ANO3: variants seen among roughly 807,000 people sequenced by gnomAD.
The protein encoded by ANO3 is anoctamin 3.
Under a neutral mutation model 144.8 loss-of-function variants are expected in ANO3, and 99 were observed. The observed-to-expected ratio is 0.68, with a 90% CI of 0.58 to 0.81. The LOEUF is 0.81. Among genes scored for constraint, ANO3 ranks in the 30% least tolerant of loss-of-function variants. ANO3 has a pLI of 0.00. For synonymous variants in ANO3, 414 were observed against 392.6 expected, an observed-to-expected ratio of 1.05 and a Z score of -0.64; for missense variants, 905 against 1,202.2, an observed-to-expected ratio of 0.75 and a Z score of 3.66.
At chr11:26,511,911 G>A (rs1861679254) in intron 5 of ANO3, among the ~76,000 whole-genome samples, 1 of 152,038 alleles carries the variant, frequency 6.6e-6, no homozygotes, top group Non-Finnish European at 1.5e-5. Flanking sequence ...GAAAAAAACA[G>A]GGTACTAAAT....
chr11:26,400,444 C>G (rs1296414194), intron 1 of ANO3, among the ~76,000 whole-genome samples: 1 of 151,916 alleles, frequency 6.6e-6, no homozygotes, highest in East Asian at 1.9e-4. Context: ...TAAAACAACA[C>G]TGAAAACCAT....
intron 1 of ANO3, among the ~76,000 whole-genome samples, chr11:26,341,391 A>G (rs1025034197): frequency 6.6e-6 from 1 of 152,176 alleles, no homozygotes; most frequent in African/African-American, 2.4e-5. Flanking sequence ...GAATCTTAAG[A>G]TTGTTACACA....
intron 22 of ANO3, 84 bp downstream of exon 22, chr11:26,642,113 A>G (rs1853176132): frequency 8.8e-6 from 13 of 1,476,366 alleles, no homozygotes; most frequent in Non-Finnish European, 1.1e-5. Flanking sequence ...AACAGAGAAA[A>G]TTATCTCTTT....
chr11:26,499,580 A>T (rs1861107585), intron 4 of ANO3, among the ~76,000 whole-genome samples: 1 of 151,686 alleles, frequency 6.6e-6, no homozygotes, highest in South Asian at 2.1e-4. Context: ...ATGGATTTGT[A>T]ATTCCATATC....
chr11:26,534,519 C>T lies in ANO3; in HGVS notation c.933C>T (p.His311=). The T allele has an allele frequency of 6.2e-7, 1 of 1,612,964 alleles. No individual in the cohort carries two copies. The highest frequency in any genetic ancestry group is 8.5e-7 in the Non-Finnish European group (1 of 1,179,302). The stretch of plus-strand genomic sequence containing the variant: ...CTACTCGAAGCAGAATAGTCTATCA[C>T]ATGCTGGAACGCACCAAATATGAAA... ...SNATRSRIVY[H]MLERTKYENG... The change falls in exon 9 of 27, where the codon CAC becomes CAT. Residue 311 remains histidine, a synonymous_variant. Transcript: ENST00000256737.
intron 1 of ANO3, among the ~76,000 whole-genome samples, chr11:26,321,398 T>C (rs1283047128): frequency 1.3e-5 from 2 of 152,044 alleles, no homozygotes; most frequent in East Asian, 1.9e-4. Flanking sequence ...TTGGCTCTTA[T>C]ATTAAGTTCC....
intron 1 of ANO3, among the ~76,000 whole-genome samples, chr11:26,194,086 C>T (rs1314405348): frequency 2.6e-5 from 4 of 152,068 alleles, no homozygotes; most frequent in Non-Finnish European, 5.9e-5. Flanking sequence ...ATGCCTGCAA[C>T]TAATATCTAG....
At chr11:26,651,847 A>G (rs1186239849) in intron 24 of ANO3, among the ~76,000 whole-genome samples, 1 of 152,210 alleles carries the variant, frequency 6.6e-6, no homozygotes, top group Non-Finnish European at 1.5e-5. Flanking sequence ...TTTAGTCATT[A>G]TGATGGAGAT....
At chr11:26,593,790 C>G (rs183142142) in intron 14 of ANO3, among the ~76,000 whole-genome samples, 5 of 152,108 alleles carry the variant, frequency 3.3e-5, no homozygotes, top group African/African-American at 1.2e-4. Flanking sequence ...ATTTGCCCAG[C>G]CTTTCCCTGT....
chr11:26,416,739 T>C, intron 1 of ANO3, among the ~76,000 whole-genome samples: 1 of 151,990 alleles, frequency 6.6e-6, no homozygotes, highest in Non-Finnish European at 1.5e-5. Flanking sequence ...TCAGTGAAAT[T>C]ATTGGCTCTG....
intron 1 of ANO3, among the ~76,000 whole-genome samples, chr11:26,195,977 T>A (rs1160927186): frequency 6.6e-6 from 1 of 152,232 alleles, no homozygotes. Flanking sequence ...GTTGCCCCAT[T>A]TCTTTTTTTC....
At chr11:26,244,131 A>C (rs1419941488) in intron 1 of ANO3, among the ~76,000 whole-genome samples, 5 of 138,046 alleles carry the variant, frequency 3.6e-5, no homozygotes, top group South Asian at 2.4e-4. Flanking sequence ...AAAAAAAAAA[A>C]GAAAAGAAAA....
intron 14 of ANO3, among the ~76,000 whole-genome samples, chr11:26,569,815 AC>A: frequency 6.6e-6 from 1 of 152,202 alleles, no homozygotes; most frequent in Admixed American, 6.6e-5. Context: ...CCCTGAGTGC[AC>A]CCAAGTTCAT....
chr11:26,328,725 C>T (rs1471798253), upstream of ANO3, among the ~76,000 whole-genome samples: 1 of 151,782 alleles, frequency 6.6e-6, no homozygotes, highest in Non-Finnish European at 1.5e-5. Flanking sequence ...GGAACGAAAC[C>T]CTAGGTCCAA....
At chr11:26,572,872 C>T (rs891940492) in intron 14 of ANO3, among the ~76,000 whole-genome samples, 6 of 152,078 alleles carry the variant, frequency 3.9e-5, no homozygotes, top group African/African-American at 1.2e-4. Flanking sequence ...GGAGCCTTCT[C>T]GATTAAGTAG....
At chr11:26,598,764 G>A (rs1015102655) in intron 15 of ANO3, 94 bp from the exon 16 acceptor site, 2 of 1,313,444 alleles carry the variant, frequency 1.5e-6, no homozygotes, top group African/African-American at 3.0e-5. Flanking sequence ...TAATACAAAA[G>A]TAGGCCAAAT....
intron 1 of ANO3, among the ~76,000 whole-genome samples, chr11:26,400,752 A>G (rs573164626): frequency 8.6e-5 from 13 of 151,732 alleles, no homozygotes; most frequent in Non-Finnish European, 1.9e-4. Context: ...ATTAAAGAAA[A>G]TGGGATTTCC....
At chr11:26,220,749 G>A (rs1429115403) in intron 1 of ANO3, among the ~76,000 whole-genome samples, 7 of 152,132 alleles carry the variant, frequency 4.6e-5, no homozygotes, top group Non-Finnish European at 7.3e-5. Context: ...CCTTCTGACA[G>A]GTCCCTAGTA....
intron 17 of ANO3, among the ~76,000 whole-genome samples, chr11:26,603,325 T>A (rs1851848662): frequency 6.6e-6 from 1 of 152,044 alleles, no homozygotes; most frequent in Non-Finnish European, 1.5e-5. Context: ...TATCACCTAT[T>A]TTGAATTTTC....
Sources: allele counts gnomAD v4.1 joint callset (sites outside exome capture counted in the v4.1 genomes callset), GRCh38; gene constraint gnomAD v4.1.1; transcripts MANE v1.5; gene names NCBI Gene and HGNC (gene_info 2026-07-23, HGNC 2026-07-21).